The following GARRE1 variants were observed in gnomAD, a reference collection of about 807,000 sequenced individuals.
GARRE1 encodes the protein granule associated Rac and RHOG effector protein 1.
Under a neutral mutation model 103.2 loss-of-function variants are expected in GARRE1, and 49 were observed. That is an observed-to-expected ratio of 0.47 (90% CI 0.38 to 0.60). The LOEUF (loss-of-function observed/expected upper bound fraction) is 0.60. Among genes scored for constraint, GARRE1 ranks in the 20% least tolerant of loss-of-function variants. The pLI is 0.00. For missense variants in GARRE1, 1,199 were observed against 1,370.5 expected, an observed-to-expected ratio of 0.87 and a Z score of 1.98; for synonymous variants, 505 against 532.8, an observed-to-expected ratio of 0.95 and a Z score of 0.72.
rs1416606503 is a variant in GARRE1, at chr19:34,300,701, C to T, written c.228C>T (p.Ile76=). ...CCCACACTACTCCTATCGCCGACAT[C>T]CAGCAGGGCATCTCCAAGTATCTGG... ...AMPHTTPIAD[I]QQGISKYLDA... The change falls in exon 2 of 14, where the codon ATC becomes ATT. Residue 76 remains isoleucine (I), a synonymous_variant. Transcript: ENST00000299505. 6.2e-7 allele frequency: 1 copy of T among 1,614,168 alleles called. No individual in the cohort carries two copies. Among genetic ancestry groups the T allele is most frequent in the Non-Finnish European group, 8.5e-7 (1 of 1,180,048 alleles).
At chr19:34,297,390 A>C (rs767530251) in intron 1 of GARRE1, among the ~76,000 whole-genome samples, 1 of 152,026 alleles carries the variant, frequency 6.6e-6, no homozygotes, top group Non-Finnish European at 1.5e-5. Context: ...GAAAGTTTGG[A>C]AGTATGTAAA....
chr19:34,320,150 T>G lies in GARRE1; in HGVS notation c.705+34T>G, dbSNP rs765735781. The stretch of plus-strand genomic sequence containing the variant: ...GGCTTTGGGGAGATTGGTGCCTGTG[T>G]TCAAATAGGAGAGGCTCCAGAGGGC... On this transcript the variant is annotated intron_variant, in intron 3 of 13. Transcript: ENST00000299505. The G allele has an allele frequency of 2.5e-6, 4 of 1,582,146 alleles. No individual in the cohort carries two copies. In the East Asian group the frequency reaches 8.9e-5, roughly 35 times the overall value.
At chr19:34,276,258 G>A (rs1474883710) in intron 1 of GARRE1, among the ~76,000 whole-genome samples, 1 of 152,130 alleles carries the variant, frequency 6.6e-6, no homozygotes, top group African/African-American at 2.4e-5. Context: ...GACCAGGCTG[G>A]TCTCATGCTC....
intron 10 of GARRE1, among the ~76,000 whole-genome samples, chr19:34,344,901 C>T (rs1044548642): frequency 1.3e-5 from 2 of 151,628 alleles, no homozygotes; most frequent in Non-Finnish European, 2.9e-5. Context: ...TGCAGTGGCG[C>T]GATCTCGGCT....
At chr19:34,306,008 G>A (rs1336063377) in intron 2 of GARRE1, among the ~76,000 whole-genome samples, 3 of 152,052 alleles carry the variant, frequency 2.0e-5, no homozygotes, top group South Asian at 2.1e-4. Context: ...CAGACTTCAC[G>A]TTTCACTTTT....
intron 2 of GARRE1, 121 bp from the exon 3 acceptor site, chr19:34,319,786 T>A (rs1482061109): frequency 1.2e-6 from 1 of 845,976 alleles, no homozygotes; most frequent in Non-Finnish European, 2.0e-6. Flanking sequence ...CCTTTTAACT[T>A]TGTATGATTT....
At chr19:34,256,328 G>A (rs11880342) in intron 1 of GARRE1, among the ~76,000 whole-genome samples, 20,349 of 150,964 alleles carry the variant, frequency 0.13, 2,003 homozygotes, top group African/African-American at 0.27. Flanking sequence ...CCTGGCCAAC[G>A]TGGTGAAACC....
chr19:34,294,358 G>A (rs559530827), intron 1 of GARRE1, among the ~76,000 whole-genome samples: 1 of 151,984 alleles, frequency 6.6e-6, no homozygotes, highest in Admixed American at 6.6e-5. Context: ...AGAAGGTCAA[G>A]GCTGCAATGA....
rs1036430001 is a variant in GARRE1 at position 34,299,939 on chromosome 19, G to C, written c.-535G>C. The C allele has an allele frequency of 1.3e-5, 2 of 152,186 alleles. No homozygotes were observed. Among genetic ancestry groups the C allele is most frequent in the Non-Finnish European group, 2.9e-5 (2 of 68,052 alleles). The allele number at this position is 152,186 out of a possible 1,614,324, so 9.4% of individuals were successfully genotyped here. A position where few individuals can be genotyped will look rare whatever the true frequency, so the allele number is the denominator to read the frequency against. On this transcript the variant is annotated 5_prime_UTR_variant, in exon 2 of 14. Coordinates refer to ENST00000299505, the MANE Select transcript of GARRE1 (RefSeq NM_014686.5). ...AGCCTTACAGGTAAACGGATTTGAC[G>C]GGCAGGCTCTGTCAAAATTCTGCAG...
intron 2 of GARRE1, among the ~76,000 whole-genome samples, chr19:34,309,553 A>G (rs185049572): frequency 6.6e-6 from 1 of 152,164 alleles, no homozygotes; most frequent in Non-Finnish European, 1.5e-5. Flanking sequence ...CTGTGAGCCC[A>G]GGTCTCAAAC....
At chr19:34,307,654 TATATATACATATATACTTATATATAC>T (rs1287897648) in intron 2 of GARRE1, among the ~76,000 whole-genome samples, 1 of 36,200 alleles carries the variant, frequency 2.8e-5, no homozygotes, top group African/African-American at 7.0e-5. Flanking sequence ...TATACATACT[TATATATACATATATACTTATATATAC>T]ATATATACTT....
intron 2 of GARRE1, among the ~76,000 whole-genome samples, chr19:34,312,590 T>C (rs931219780): frequency 1.3e-5 from 2 of 152,210 alleles, no homozygotes; most frequent in Non-Finnish European, 2.9e-5. Flanking sequence ...ATAATGTCTT[T>C]AAGGCTCATT....
chr19:34,263,846 T>A (rs1006326313), intron 1 of GARRE1, among the ~76,000 whole-genome samples: 1 of 152,148 alleles, frequency 6.6e-6, no homozygotes, highest in South Asian at 2.1e-4. Flanking sequence ...ATGGCTGTTG[T>A]GTAGAGTGAA....
intron 7 of GARRE1, among the ~76,000 whole-genome samples, chr19:34,331,661 C>T (rs912207679): frequency 1.3e-5 from 2 of 152,126 alleles, no homozygotes; most frequent in African/African-American, 4.8e-5. Flanking sequence ...TAGAATCTTA[C>T]GTATTTGATC....
intron 3 of GARRE1, among the ~76,000 whole-genome samples, chr19:34,323,188 C>T (rs2074097671): frequency 6.6e-6 from 1 of 151,788 alleles, no homozygotes; most frequent in Non-Finnish European, 1.5e-5. Context: ...CCTGCCATCT[C>T]ACCTGGCTAA....
At chr19:34,260,546 TATA>T (rs1293697199) in intron 1 of GARRE1, among the ~76,000 whole-genome samples, 1 of 152,178 alleles carries the variant, frequency 6.6e-6, no homozygotes, top group African/African-American at 2.4e-5. Context: ...ATTTTATTAT[TATA>T]CTTTAAGTTT....
intron 3 of GARRE1, among the ~76,000 whole-genome samples, chr19:34,325,316 A>G (rs2074106496): frequency 6.6e-6 from 1 of 152,116 alleles, no homozygotes; most frequent in Non-Finnish European, 1.5e-5. Context: ...GTGATCAGTG[A>G]GCAGCCCACT....
intron 2 of GARRE1, among the ~76,000 whole-genome samples, chr19:34,301,982 CTTTTTTTTTTTTTT>C (rs35417822): frequency 8.0e-5 from 4 of 50,062 alleles, no homozygotes; most frequent in East Asian, 9.6e-4. Flanking sequence ...TGCGCCCAGC[CTTTTTTTTTTTTTT>C]TTTTTTTTTT....
rs1169577279 is a variant in GARRE1 at position 34,300,276 on chromosome 19, A to G, written c.-198A>G. 6.0e-6 allele frequency: 3 copies of G among 496,918 alleles called. No homozygotes were observed. The highest frequency in any genetic ancestry group is 1.9e-5 in the African/African-American group (1 of 52,202). 30.8% of individuals were successfully genotyped at this position (496,918 alleles called of 1,614,324 possible). ...TTATTTTTTGTCAGAGATCCTGTCT[A>G]CACTGAAAATATTAATTATATAAAC... On this transcript the variant is annotated 5_prime_UTR_variant, in exon 2 of 14. Transcript: ENST00000299505.
Sources: gnomAD v4.1 joint callset for allele counts (sites outside exome capture counted in the v4.1 genomes callset) on GRCh38, gnomAD v4.1.1 for gene constraint, MANE v1.5 for transcripts, NCBI Gene and HGNC (gene_info 2026-07-23, HGNC 2026-07-21) for gene names.